SLFN12L: variants seen among roughly 807,000 people sequenced by gnomAD.
SLFN12L encodes schlafen family member 12 like.
A neutral mutation model predicts 34.8 loss-of-function variants in SLFN12L; 34 were observed. The observed-to-expected ratio is 0.98, with a 90% CI of 0.74 to 1.30. The LOEUF (loss-of-function observed/expected upper bound fraction) is 1.30, where lower values mean the gene tolerates loss of function less well. SLFN12L is among the 50% of genes most tolerant of loss of function. The pLI is 0.00. For synonymous variants in SLFN12L, 259 were observed against 247.5 expected (o/e 1.05, Z -0.44); for missense variants, 703 against 696.2 (o/e 1.01, Z -0.11).
At chr17:35,532,588 T>C (rs961832348) in intron 1 of SLFN12L, among the ~76,000 whole-genome samples, 2 of 152,068 alleles carry the variant, frequency 1.3e-5, no homozygotes, top group Non-Finnish European at 2.9e-5. Flanking sequence ...ACTGGAAAAC[T>C]TTTTTTAAAA....
intron 2 of SLFN12L, chr17:35,490,697 G>C: frequency 1.6e-6 from 2 of 1,239,220 alleles, no homozygotes; most frequent in South Asian, 1.2e-5. Flanking sequence ...GATTCAGATC[G>C]TCAAAGGTTA....
intron 1 of SLFN12L, among the ~76,000 whole-genome samples, chr17:35,535,334 A>C (rs1173584391): frequency 6.7e-6 from 1 of 149,766 alleles, no homozygotes; most frequent in Non-Finnish European, 1.5e-5. Flanking sequence ...GGGATTACAG[A>C]CATGTGCCAC....
intron 2 of SLFN12L, 71 bp downstream of exon 2, chr17:35,522,208 C>G: frequency 6.3e-7 from 1 of 1,581,252 alleles, no homozygotes; most frequent in South Asian, 1.1e-5. Context: ...TTTCAAGGGA[C>G]AAGGTGACTT....
chr17:35,479,128 T>G lies in SLFN12L; in HGVS notation c.1154A>C (p.Asp385Ala), dbSNP rs1914166289. 4.5e-6 allele frequency: 7 copies of G among 1,558,538 alleles called. No individual in the cohort carries two copies. In the African/African-American group the frequency reaches 8.2e-5, roughly 18 times the overall value. ...TEKEWIQFMVDSEPVCEELPS... is the reference protein window; with the variant it reads ...TEKEWIQFMVASEPVCEELPS... ...CCTCCTTCCTCAACCTGGTTCTGAATCCACCATGAACTGGATCCATTCCTT... is the reference window on the plus strand; with the variant it reads ...CCTCCTTCCTCAACCTGGTTCTGAAGCCACCATGAACTGGATCCATTCCTT... Residue 385 changes from aspartate (D) to alanine (A), a missense_variant, in exon 3 of 5, where the codon GAT (aspartate) becomes GCT (alanine). Coordinates refer to ENST00000628453, the MANE Select transcript of SLFN12L (RefSeq NM_001363830.2).
At chr17:35,483,541 C>A (rs1242705882) in intron 2 of SLFN12L, among the ~76,000 whole-genome samples, 1 of 152,184 alleles carries the variant, frequency 6.6e-6, no homozygotes, top group Non-Finnish European at 1.5e-5. Flanking sequence ...TCTTGGACTT[C>A]CCAGGCTCCA....
intron 2 of SLFN12L, among the ~76,000 whole-genome samples, chr17:35,519,044 TG>T (rs1371467354): frequency 6.6e-6 from 1 of 152,076 alleles, no homozygotes; most frequent in Non-Finnish European, 1.5e-5. Flanking sequence ...TGCAAAGACG[TG>T]GATGAAGCTG....
intron 4 of SLFN12L, among the ~76,000 whole-genome samples, chr17:35,477,712 A>G (rs188146574): frequency 1.1e-3 from 164 of 152,226 alleles, no homozygotes; most frequent in African/African-American, 3.8e-3. Flanking sequence ...TGACTGAGGA[A>G]GAAAAGAAGT....
chr17:35,481,103 C>T (rs1048330975), intron 2 of SLFN12L, among the ~76,000 whole-genome samples: 3 of 152,246 alleles, frequency 2.0e-5, no homozygotes, highest in African/African-American at 4.8e-5. Flanking sequence ...CCCTTTGTTA[C>T]GCCCGGACAG....
At position 35,474,687 on chromosome 17, in the gene SLFN12L, CGG is replaced by C. The variant is rs758831720; in HGVS notation, c.*234_*235del. On this transcript the variant is annotated 3_prime_UTR_variant, in exon 5 of 5. Transcript: ENST00000628453. ...CTGTACTCCTAGCACTTTGGGAGAC[CGG>C]GGGGGGGGGTTGAATCACGAGGTCA... The C allele has an allele frequency of 1.2e-3, 330 of 267,642 alleles. No homozygotes were observed. The highest frequency in any genetic ancestry group is 1.4e-3 in the Non-Finnish European group (206 of 151,904). The allele number at this position is 267,642 out of a possible 1,614,324, so 16.6% of individuals were successfully genotyped here. A position where few individuals can be genotyped will look rare whatever the true frequency, so the allele number is the denominator to read the frequency against.
rs551266642 is a variant in SLFN12L at position 35,479,777 on chromosome 17, A to C, written c.505T>G (p.Tyr169Asp). The change falls in exon 3 of 5, where the codon TAC (tyrosine) becomes GAC (aspartate). Residue 169 changes from tyrosine (Y) to aspartate (D), a missense_variant. Transcript: ENST00000628453. Reference sequence around the variant, plus strand: ...TTTGCAGACGTTACATCTCTCTTGTACAAACTGGAGCTCAACGTGGCAATC... The same window carrying C: ...TTTGCAGACGTTACATCTCTCTTGTCCAAACTGGAGCTCAACGTGGCAATC... ...PQIATLSSSLYKRDVTSAKVM... is the reference protein window; with the variant it reads ...PQIATLSSSLDKRDVTSAKVM... 28 of 1,613,812 alleles carry C rather than the reference A, an allele frequency of 1.7e-5. No individual in the cohort carries two copies. Among genetic ancestry groups the C allele is most frequent in the Middle Eastern group, 1.6e-4 (1 of 6,062 alleles).
intron 2 of SLFN12L, among the ~76,000 whole-genome samples, chr17:35,497,679 T>C (rs1183712753): frequency 6.6e-6 from 1 of 152,188 alleles, no homozygotes; most frequent in East Asian, 1.9e-4. Context: ...CCGACAGTCT[T>C]GAAAACGCCT....
At chr17:35,534,476 A>G (rs1215856438) in intron 1 of SLFN12L, among the ~76,000 whole-genome samples, 1 of 152,192 alleles carries the variant, frequency 6.6e-6, no homozygotes, top group Admixed American at 6.6e-5. Flanking sequence ...CAGTCATGGA[A>G]AAGACCTTTC....
At chr17:35,506,867 G>C (rs887651390) in intron 2 of SLFN12L, among the ~76,000 whole-genome samples, 3 of 152,168 alleles carry the variant, frequency 2.0e-5, no homozygotes, top group Admixed American at 6.5e-5. Flanking sequence ...AGACAATACT[G>C]TATAGCAAGA....
chr17:35,476,454 C>CAAGGAGGG (rs1914010172), intron 4 of SLFN12L, among the ~76,000 whole-genome samples: 1 of 105,550 alleles, frequency 9.5e-6, no homozygotes, highest in East Asian at 2.7e-4. Flanking sequence ...GAAAAGAAAG[C>CAAGGAGGG]AAGGAAGGAA....
At chr17:35,477,794 A>G (rs1914101147) in intron 4 of SLFN12L, among the ~76,000 whole-genome samples, 1 of 152,150 alleles carries the variant, frequency 6.6e-6, no homozygotes, top group African/African-American at 2.4e-5. Flanking sequence ...GGCATTTCCA[A>G]TATATTGCTG....
At chr17:35,497,947 G>C (rs1228532429) in intron 2 of SLFN12L, among the ~76,000 whole-genome samples, 1 of 152,224 alleles carries the variant, frequency 6.6e-6, no homozygotes, top group Admixed American at 6.5e-5. Context: ...CACTTTGGGA[G>C]GCCAAGGTGG....
Position 35,474,690 on chromosome 17 carries a change from G to C in SLFN12L, c.*233C>G, listed in dbSNP as rs866739807. 23 of 353,520 alleles carry C rather than the reference G, an allele frequency of 6.5e-5. 1 individual carries two copies. The highest frequency in any genetic ancestry group is 8.3e-4 in the Middle Eastern group (1 of 1,206). 21.9% of individuals were successfully genotyped at this position (353,520 alleles called of 1,614,324 possible). A position where few individuals can be genotyped will look rare whatever the true frequency, so the allele number is the denominator to read the frequency against. On this transcript the variant is annotated 3_prime_UTR_variant, in exon 5 of 5. Transcript: ENST00000628453. ...TACTCCTAGCACTTTGGGAGACCGG[G>C]GGGGGGGGTTGAATCACGAGGTCAG...
At chr17:35,530,393 GGA>G in intron 1 of SLFN12L, among the ~76,000 whole-genome samples, 1 of 8,326 alleles carries the variant, frequency 1.2e-4, no homozygotes, top group African/African-American at 4.5e-4. Flanking sequence ...AAGGAAGGAA[GGA>G]AGGAAGGAAG....
chr17:35,495,913 A>G (rs1385442917), intron 2 of SLFN12L, among the ~76,000 whole-genome samples: 1 of 100,190 alleles, frequency 1.0e-5, no homozygotes, highest in African/African-American at 2.9e-5. Flanking sequence ...ACACACACAC[A>G]CACACACACA....
Sources: gnomAD v4.1 joint callset for allele counts (sites outside exome capture counted in the v4.1 genomes callset) on GRCh38, gnomAD v4.1.1 for gene constraint, MANE v1.5 for transcripts, NCBI Gene and HGNC (gene_info 2026-07-23, HGNC 2026-07-21) for gene names.